The following CUX1 variants were observed in gnomAD, a reference collection of about 807,000 sequenced individuals.
CUX1 encodes the protein cut like homeobox 1, also known as protein CASP.
Under a neutral mutation model 158.8 loss-of-function variants are expected in CUX1, and 31 were observed. The ratio of observed to expected loss-of-function variants is 0.20; its 90% CI spans 0.15 to 0.26. The LOEUF (loss-of-function observed/expected upper bound fraction) is 0.26. Among genes scored for constraint, CUX1 ranks in the 10% least tolerant of loss-of-function variants. The probability of loss-of-function intolerance (pLI) is 1.00; values close to 1 mark genes in which losing one functional copy is unlikely to be tolerated. For missense variants in CUX1, 1,589 were observed against 2,014.6 expected (o/e 0.79, Z 4.04); for synonymous variants, 879 against 862.1 (o/e 1.02, Z -0.34).
chr7:102,246,611 G>A (rs551940783), intron 23 of CUX1, among the ~76,000 whole-genome samples: 6 of 151,262 alleles, frequency 4.0e-5, no homozygotes, highest in Admixed American at 2.0e-4. Flanking sequence ...TTGCTCTGTC[G>A]CCCAGGCTGG....
chr7:102,210,640 G>A (rs1035852344), intron 20 of CUX1, among the ~76,000 whole-genome samples: 1 of 152,212 alleles, frequency 6.6e-6, no homozygotes, highest in African/African-American at 2.4e-5. Context: ...GCCCTTGGCT[G>A]AATCGTGAAA....
At position 101,818,767 on chromosome 7, in the gene CUX1, G is replaced by C. The variant is rs182807922; in HGVS notation, c.30+1098G>C. ...CTCAGGCCAATCTGGTTCTTTCTCT[G>C]GGCGGTGAGGAGGCCTTTGGAGTTG... On this transcript the variant is annotated intron_variant, in intron 1 of 23. Transcript: ENST00000292535. 2.8e-4 allele frequency among the ~76,000 whole-genome samples: 43 copies of C among 152,298 alleles called. No homozygotes were observed. The East Asian group carries it at 5.4e-3, about 19-fold the overall frequency.
chr7:102,006,674 T>C (rs1299664296), intron 2 of CUX1, among the ~76,000 whole-genome samples: 2 of 152,214 alleles, frequency 1.3e-5, no homozygotes, highest in African/African-American at 4.8e-5. Flanking sequence ...TGAGCCACCG[T>C]GCCCGGCCCT....
intron 1 of CUX1, among the ~76,000 whole-genome samples, chr7:101,847,791 G>A (rs1795848699): frequency 6.6e-6 from 1 of 151,922 alleles, no homozygotes; most frequent in African/African-American, 2.4e-5. Flanking sequence ...TTAAAGGCCA[G>A]GCATGGTGGC....
intron 2 of CUX1, among the ~76,000 whole-genome samples, chr7:101,971,385 C>T (rs905307131): frequency 1.3e-5 from 2 of 152,196 alleles, no homozygotes; most frequent in African/African-American, 4.8e-5. Context: ...TGGTGGCTCA[C>T]ACCTGTAATC....
chr7:102,278,657 A>AATAAAATAAAAAATAAAATAAAATAT (rs781848717), intron 18 of CUX1, among the ~76,000 whole-genome samples: 6 of 99,106 alleles, frequency 6.1e-5, no homozygotes, highest in African/African-American at 1.6e-4. Context: ...AATAAAATAA[A>AATAAAATAAAAAATAAAATAAAATAT]AAAATAAAAT....
At chr7:101,845,300 C>CT (rs1252276898) in intron 1 of CUX1, among the ~76,000 whole-genome samples, 6 of 152,132 alleles carry the variant, frequency 3.9e-5, no homozygotes, top group Non-Finnish European at 8.8e-5. Flanking sequence ...CTCTGTATCT[C>CT]TTAACATTAG....
intron 2 of CUX1, chr7:101,961,167 C>T (rs1247170498): frequency 6.6e-6 from 1 of 152,184 alleles, no homozygotes; most frequent in Non-Finnish European, 1.5e-5. Flanking sequence ...TAGCATTCAC[C>T]TGGATATAGA....
chr7:101,969,277 T>G (rs941588827), intron 2 of CUX1, among the ~76,000 whole-genome samples: 1 of 149,538 alleles, frequency 6.7e-6, no homozygotes, highest in African/African-American at 2.5e-5. Flanking sequence ...CCAGGATGCA[T>G]TGAGCCAAGA....
intron 21 of CUX1, among the ~76,000 whole-genome samples, chr7:102,233,288 C>T (rs2132423252): frequency 6.7e-6 from 1 of 150,000 alleles, no homozygotes; most frequent in East Asian, 2.0e-4. Flanking sequence ...TGGGCTCAGG[C>T]AATCCTCCCA....
chr7:102,147,190 A>G (rs1554502341), intron 8 of CUX1, among the ~76,000 whole-genome samples: 1 of 152,162 alleles, frequency 6.6e-6, no homozygotes, highest in East Asian at 1.9e-4. Context: ...CAGATGCAAG[A>G]TGGCTTCATC....
In CUX1 at chr7:101,936,185, G is replaced by A. The variant is rs1806907715; in HGVS notation, c.141+19960G>A. On this transcript the variant is annotated intron_variant, in intron 2 of 23. Coordinates refer to ENST00000292535, the MANE Select transcript of CUX1 (RefSeq NM_181552.4). ...ATGCAGGTGGAGGATTCTGACTGTGGAACTGGGGCATAGAGACAGTGGGTT... is the reference window on the plus strand; with the variant it reads ...ATGCAGGTGGAGGATTCTGACTGTGAAACTGGGGCATAGAGACAGTGGGTT... Among the ~76,000 whole-genome samples the A allele has an allele frequency of 2.0e-5, 3 of 147,392 alleles. No individual in the cohort carries two copies. In the South Asian group the frequency reaches 6.7e-4, roughly 33 times the overall value.
intron 8 of CUX1, among the ~76,000 whole-genome samples, chr7:102,136,976 C>T (rs1181311981): frequency 6.6e-6 from 1 of 152,034 alleles, no homozygotes; most frequent in Non-Finnish European, 1.5e-5. Context: ...CTTTGCTGAA[C>T]GCTTGATTGT....
chr7:102,168,892 TC>T (rs1791358539), intron 9 of CUX1, among the ~76,000 whole-genome samples: 1 of 118,822 alleles, frequency 8.4e-6, no homozygotes, highest in African/African-American at 4.1e-5. Flanking sequence ...GCTTTTCTTT[TC>T]TTTTCTTTTC....
intron 1 of CUX1, among the ~76,000 whole-genome samples, chr7:101,885,146 G>A (rs1800097694): frequency 6.6e-6 from 1 of 152,346 alleles, no homozygotes; most frequent in South Asian, 2.1e-4. Context: ...TTTGGCGGGA[G>A]TCTGGGAGGA....
intron 2 of CUX1, among the ~76,000 whole-genome samples, chr7:101,925,204 G>A (rs1343050700): frequency 6.6e-6 from 1 of 151,878 alleles, no homozygotes; most frequent in Admixed American, 6.6e-5. Context: ...TGCCTCCCAG[G>A]CTCCAGCAAT....
At chr7:102,193,355 A>G (rs985104847) in intron 12 of CUX1, among the ~76,000 whole-genome samples, 5 of 152,240 alleles carry the variant, frequency 3.3e-5, no homozygotes, top group African/African-American at 1.2e-4. Flanking sequence ...CTAGGCAAGA[A>G]ACTTTTGCCA....
chr7:102,131,261 G>A (rs952428772), intron 8 of CUX1, among the ~76,000 whole-genome samples: 3 of 152,094 alleles, frequency 2.0e-5, no homozygotes, highest in Admixed American at 2.0e-4. Context: ...TGTGTTAAGT[G>A]GCTAATTCTT....
chr7:101,891,477 G>A lies in CUX1; in HGVS notation c.31-24638G>A, dbSNP rs566976783. Among the ~76,000 whole-genome samples the A allele has an allele frequency of 2.0e-5, 3 of 152,252 alleles. No individual in the cohort carries two copies. In the East Asian group the frequency reaches 5.8e-4, roughly 29 times the overall value. ...GGGCTCAAGTGATCCTCCTGCCTCA[G>A]CCTCCCCAAAGTGCTAGGATTATAG... On this transcript the variant is annotated intron_variant, in intron 1 of 23. Transcript: ENST00000292535.
Sources: gnomAD v4.1 joint callset for allele counts (sites outside exome capture counted in the v4.1 genomes callset) on GRCh38, gnomAD v4.1.1 for gene constraint, MANE v1.5 for transcripts, NCBI Gene and HGNC (gene_info 2026-07-23, HGNC 2026-07-21) for gene names.